The following TRPM6 variants were observed in gnomAD, a reference collection of about 807,000 sequenced individuals.
TRPM6 encodes transient receptor potential cation channel subfamily M member 6, also known as channel kinase 2.
In TRPM6, 111 loss-of-function variants were observed where a neutral mutation model predicts 247.6. That is an observed-to-expected ratio of 0.45 (90% CI 0.38 to 0.52). The LOEUF (loss-of-function observed/expected upper bound fraction) is 0.52, where lower values mean the gene tolerates loss of function less well. Ranked by LOEUF, TRPM6 falls within the 20% of genes least tolerant of loss-of-function variation. The pLI is 0.00. For missense variants in TRPM6, 2,126 were observed against 2,421.5 expected, an observed-to-expected ratio of 0.88 and a Z score of 2.56; for synonymous variants, 892 against 853.8, an observed-to-expected ratio of 1.04 and a Z score of -0.78.
At chr9:74,779,828 C>A (rs550333083) in intron 23 of TRPM6, among the ~76,000 whole-genome samples, 4 of 152,220 alleles carry the variant, frequency 2.6e-5, no homozygotes, top group African/African-American at 9.6e-5. Flanking sequence ...AACTGAGGGG[C>A]CAATGTGGTT....
chr9:74,798,327 G>T (rs7864115), intron 17 of TRPM6, among the ~76,000 whole-genome samples: 34,654 of 151,006 alleles, frequency 0.23, 4,338 homozygotes, highest in African/African-American at 0.33. Context: ...TGATCTCCTA[G>T]GAAGATTCTC....
At chr9:74,767,632 T>C (rs187844663) in intron 25 of TRPM6, among the ~76,000 whole-genome samples, 4 of 152,260 alleles carry the variant, frequency 2.6e-5, no homozygotes, top group East Asian at 3.9e-4. Context: ...GCCACTGAGA[T>C]AGCTCCATCA....
rs561320061 is a variant in TRPM6, at chr9:74,838,872, G to A, written c.544+1152C>T. ...CGCCTGTAATCCCAGCACTTTGGGA[G>A]GCCAAGGTGGGCAGATCGCCTGAGG... On this transcript the variant is annotated intron_variant, in intron 5 of 38. Coordinates refer to ENST00000360774, the MANE Select transcript of TRPM6 (RefSeq NM_017662.5). Among the ~76,000 whole-genome samples the A allele has an allele frequency of 8.5e-5, 13 of 152,270 alleles. No homozygotes were observed. The South Asian group carries it at 1.5e-3, about 17-fold the overall frequency.
chr9:74,795,990 G>A (rs760772515), intron 18 of TRPM6, among the ~76,000 whole-genome samples: 2 of 152,118 alleles, frequency 1.3e-5, no homozygotes, highest in Non-Finnish European at 2.9e-5. Flanking sequence ...GAGCATCTAA[G>A]TATCACCTGC....
chr9:74,727,381 C>CAAAAAAAAAAAAA (rs763828073), intron 38 of TRPM6, among the ~76,000 whole-genome samples: 1 of 52,242 alleles, frequency 1.9e-5, no homozygotes. Flanking sequence ...GACTCCGTCT[C>CAAAAAAAAAAAAA]AAAAAAAAAA....
Position 74,795,023 on chromosome 9 carries a change from A to T in TRPM6, c.2391+1718T>A, listed in dbSNP as rs558489427. ...CTGATAGAATAGATTTTGTTATACAACTTTCTTAGTATTATTTCACTGTGA... is the reference window on the plus strand; with the variant it reads ...CTGATAGAATAGATTTTGTTATACATCTTTCTTAGTATTATTTCACTGTGA... On this transcript the variant is annotated intron_variant, in intron 18 of 38. Transcript: ENST00000360774. 5.7e-4 allele frequency among the ~76,000 whole-genome samples: 86 copies of T among 152,094 alleles called. 3 individuals carry two copies. The South Asian group carries it at 0.018, about 32-fold the overall frequency.
At chr9:74,845,559 A>G (rs187842574) in intron 3 of TRPM6, among the ~76,000 whole-genome samples, 8 of 152,330 alleles carry the variant, frequency 5.3e-5, no homozygotes, top group Middle Eastern at 6.8e-3. Flanking sequence ...GGCCAAGGGT[A>G]GTGGCTCACG....
chr9:74,785,895 A>G lies in TRPM6; in HGVS notation c.2898T>C (p.Tyr966=). 1 of 1,614,240 alleles carries G rather than the reference A, an allele frequency of 6.2e-7. No homozygotes were observed. The highest frequency in any genetic ancestry group is 8.5e-7 in the Non-Finnish European group (1 of 1,180,048). ...FFAVNQHAGP[Y]VTMIAKMTAN... ...TCACCATTTTTGCAATCATGGTCACATATGGACCTGCATGTTGATTCACAG... is the reference window on the plus strand; with the variant it reads ...TCACCATTTTTGCAATCATGGTCACGTATGGACCTGCATGTTGATTCACAG... The change falls in exon 21 of 39, where the codon TAT becomes TAC. Residue 966 remains tyrosine (Y), a synonymous_variant. Coordinates refer to ENST00000360774, the MANE Select transcript of TRPM6 (RefSeq NM_017662.5).
intron 1 of TRPM6, among the ~76,000 whole-genome samples, chr9:74,867,747 T>A (rs1830895341): frequency 6.6e-6 from 1 of 152,090 alleles, no homozygotes; most frequent in South Asian, 2.1e-4. Context: ...GCAGGATACA[T>A]CCTATCAGTT....
At chr9:74,743,204 T>C (rs1825919476) in intron 32 of TRPM6, among the ~76,000 whole-genome samples, 1 of 152,194 alleles carries the variant, frequency 6.6e-6, no homozygotes, top group South Asian at 2.1e-4. Context: ...ACTGCCGAGC[T>C]GAAAGACTCA....
Position 74,820,021 on chromosome 9 carries a change from T to G in TRPM6, c.1134+283A>C, listed in dbSNP as rs183986825. ...AATTTTAAATAATTTTACTTTATTTTAAGTTCTGGGATACATGTGCAGGAT... is the reference window on the plus strand; with the variant it reads ...AATTTTAAATAATTTTACTTTATTTGAAGTTCTGGGATACATGTGCAGGAT... On this transcript the variant is annotated intron_variant, in intron 9 of 38. Transcript: ENST00000360774. 6.0e-3 allele frequency among the ~76,000 whole-genome samples: 908 copies of G among 152,302 alleles called. 3 individuals carry two copies. Among genetic ancestry groups the G allele is most frequent in the Non-Finnish European group, 1.0e-2 (677 of 68,036 alleles).
intron 3 of TRPM6, among the ~76,000 whole-genome samples, chr9:74,852,126 A>C (rs924550936): frequency 1.3e-5 from 2 of 151,770 alleles, no homozygotes. Flanking sequence ...AAAGAGCAAG[A>C]CCTTGCTTTT....
intron 9 of TRPM6, 90 bp downstream of exon 9, chr9:74,820,214 A>G: frequency 6.9e-7 from 1 of 1,441,582 alleles, no homozygotes; most frequent in Non-Finnish European, 9.6e-7. Context: ...TGTGTCCACC[A>G]TGTTTTTTTT....
At chr9:74,862,693 T>C (rs1034967433) in intron 1 of TRPM6, among the ~76,000 whole-genome samples, 34 of 152,168 alleles carry the variant, frequency 2.2e-4, no homozygotes, top group African/African-American at 7.7e-4. Flanking sequence ...AATTTATACA[T>C]AAAATTGTCC....
At position 74,724,482 on chromosome 9, in the gene TRPM6, A is replaced by T. The variant is rs1410623568; in HGVS notation, c.*131T>A. ...TATACCAATGAGGCCTTTGAACAGA[A>T]GGAGATGTGAGGCTCAGAAGGCGTG... On this transcript the variant is annotated 3_prime_UTR_variant, in exon 39 of 39. Transcript: ENST00000360774. The T allele has an allele frequency of 3.8e-6, 5 of 1,314,868 alleles. No individual in the cohort carries two copies. The allele number at this position is 1,314,868 out of a possible 1,614,324, so 81.5% of individuals were successfully genotyped here. A position where few individuals can be genotyped will look rare whatever the true frequency, so the allele number is the denominator to read the frequency against.
At chr9:74,814,481 T>C (rs1828854542) in intron 11 of TRPM6, among the ~76,000 whole-genome samples, 2 of 152,188 alleles carry the variant, frequency 1.3e-5, no homozygotes, top group South Asian at 4.1e-4. Context: ...GGACAAATGC[T>C]TGAGGGGATG....
At position 74,738,666 on chromosome 9, in the gene TRPM6, T is replaced by TA. The variant is rs756349008; in HGVS notation, c.5571-55dup. On this transcript the variant is annotated intron_variant, in intron 35 of 38. Transcript: ENST00000360774. ...CCCACAATACAGCAAAAGTGGGACT[T>TA]ACCTTACTGAGCAGTCATCAGCAGG... 132 of 1,494,076 alleles carry TA rather than the reference T, an allele frequency of 8.8e-5. 1 individual carries two copies. The highest frequency in any genetic ancestry group is 7.5e-4 in the East Asian group (33 of 44,018). The allele number at this position is 1,494,076 out of a possible 1,614,324, so 92.6% of individuals were successfully genotyped here. A position where few individuals can be genotyped will look rare whatever the true frequency, so the allele number is the denominator to read the frequency against.
chr9:74,798,123 T>C (rs1389161655), intron 17 of TRPM6, among the ~76,000 whole-genome samples: 1 of 152,196 alleles, frequency 6.6e-6, no homozygotes, highest in East Asian at 1.9e-4. Context: ...TGCTCTGATA[T>C]CAACTTGATG....
intron 6 of TRPM6, among the ~76,000 whole-genome samples, chr9:74,832,040 AC>A (rs1334734163): frequency 1.2e-4 from 19 of 152,148 alleles, no homozygotes; most frequent in Non-Finnish European, 2.4e-4. Flanking sequence ...AAAAAGAGAG[AC>A]CCCCATATAT....
Sources: gnomAD v4.1 joint callset for allele counts (sites outside exome capture counted in the v4.1 genomes callset) on GRCh38, gnomAD v4.1.1 for gene constraint, MANE v1.5 for transcripts, NCBI Gene and HGNC (gene_info 2026-07-23, HGNC 2026-07-21) for gene names.